The following CACNA1C variants were observed in gnomAD, a reference collection of about 807,000 sequenced individuals.
CACNA1C encodes the protein voltage-dependent L-type calcium channel subunit alpha-1C.
Under a neutral mutation model 229.0 loss-of-function variants are expected in CACNA1C, and 30 were observed. The ratio of observed to expected loss-of-function variants is 0.13; its 90% CI spans 0.10 to 0.18. The LOEUF is 0.18. Ranked by LOEUF, CACNA1C falls within the 10% of genes least tolerant of loss-of-function variation. The probability of loss-of-function intolerance (pLI) is 1.00; values close to 1 mark genes in which losing one functional copy is unlikely to be tolerated. For missense variants in CACNA1C, 1,658 were observed against 2,845.0 expected (o/e 0.58, Z 9.49); for synonymous variants, 1,114 against 1,132.5 (o/e 0.98, Z 0.33).
intron 3 of CACNA1C, among the ~76,000 whole-genome samples, chr12:2,210,528 T>TG (rs1230275952): frequency 6.6e-6 from 1 of 152,050 alleles, no homozygotes; most frequent in Non-Finnish European, 1.5e-5. Flanking sequence ...GGGAAATTGG[T>TG]GGGGGGTTTG....
chr12:2,394,960 A>T (rs2154549519), intron 3 of CACNA1C, among the ~76,000 whole-genome samples: 1 of 152,272 alleles, frequency 6.6e-6, no homozygotes, highest in Admixed American at 6.5e-5. Flanking sequence ...GTTTTTGTTT[A>T]TTTCACTTAG....
chr12:2,482,816 C>T lies in CACNA1C; in HGVS notation c.758-3288C>T, dbSNP rs1030711409. ...CTTTCCCGGACACTTCGCAGTTGGT[C>T]GTAGTTCCATCCTGTGGTCAGACAG... On this transcript the variant is annotated intron_variant, in intron 5 of 46. Transcript: ENST00000399655. Among the ~76,000 whole-genome samples the T allele has an allele frequency of 7.9e-5, 12 of 152,256 alleles. 1 individual carries two copies. Among genetic ancestry groups the T allele is most frequent in the Admixed American group, 5.2e-4 (8 of 15,294 alleles).
At position 2,654,613 on chromosome 12, in the gene CACNA1C, A is replaced by C. The variant is rs2095312110; in HGVS notation, c.4141-534A>C. On this transcript the variant is annotated intron_variant, in intron 33 of 46. Transcript: ENST00000399655. This position sits in a 1 kb window ranked among gnomAD's most constrained non-coding sequence, Gnocchi z 4.4. ...GAAAGACCCAAGATTCAGTTGCCAA[A>C]ACCTTTTGAGACTAAAAGAGCTACC... Among the ~76,000 whole-genome samples, 1 of 152,184 alleles carries C rather than the reference A, an allele frequency of 6.6e-6. No individual in the cohort carries two copies. Among genetic ancestry groups the C allele is most frequent in the South Asian group, 2.1e-4 (1 of 4,824 alleles).
intron 7 of CACNA1C, among the ~76,000 whole-genome samples, chr12:2,502,139 G>C (rs12367192): frequency 6.6e-6 from 1 of 152,208 alleles, no homozygotes; most frequent in South Asian, 2.1e-4. Context: ...GGGACCCTGC[G>C]TGCTTCCTTC....
rs75384437 is a variant in CACNA1C at position 2,118,179 on chromosome 12, C to A, written c.372-2146C>A. Among the ~76,000 whole-genome samples, 145 of 152,276 alleles carry A rather than the reference C, an allele frequency of 9.5e-4. 1 individual carries two copies. In the East Asian group the frequency reaches 0.027, roughly 29 times the overall value. ...GAGAGTCTGAATGAGGGGAGGGGAA[C>A]TGATAGTGCCAGAAACCCCAAGCTC... On this transcript the variant is annotated intron_variant, in intron 2 of 46. Transcript: ENST00000399655.
chr12:2,373,600 C>T (rs546206200), intron 3 of CACNA1C, among the ~76,000 whole-genome samples: 2 of 151,922 alleles, frequency 1.3e-5, no homozygotes, highest in Admixed American at 6.6e-5. Flanking sequence ...ATTCAGGGGC[C>T]GCAGCTGTAG....
chr12:1,991,448 G>A, intron 1 of CACNA1C: 1 of 213,556 alleles, frequency 4.7e-6, no homozygotes, highest in Non-Finnish European at 9.7e-6. Flanking sequence ...AAAATACAAA[G>A]AAGCAAGTGA....
chr12:2,424,597 G>C (rs542662796), intron 3 of CACNA1C, among the ~76,000 whole-genome samples: 1 of 152,284 alleles, frequency 6.6e-6, no homozygotes, highest in Admixed American at 6.5e-5. Context: ...ATGTGGGTAG[G>C]GGGTGAGTGC....
rs1056665940 is a variant in CACNA1C at position 2,215,811 on chromosome 12, G to C, written c.477+95381G>C. 1.3e-5 allele frequency among the ~76,000 whole-genome samples: 2 copies of C among 152,202 alleles called. No individual in the cohort carries two copies. Among genetic ancestry groups the C allele is most frequent in the Non-Finnish European group, 2.9e-5 (2 of 68,032 alleles). On this transcript the variant is annotated intron_variant, in intron 3 of 46. Transcript: ENST00000399655. This position sits in a 1 kb window ranked among gnomAD's most constrained non-coding sequence, Gnocchi z 5.0. ...CCAAGGTGAGTTGAAGGGCCCTGGA[G>C]CCCCAGGCCTGCCTGCCTGGGGAGC...
rs776381338 is a variant in CACNA1C, at chr12:2,608,299, T to A, written c.3357-212T>A. On this transcript the variant is annotated intron_variant, in intron 26 of 46. Coordinates refer to ENST00000399655, the MANE Select transcript of CACNA1C (RefSeq NM_000719.7). This position sits in a 1 kb window ranked among gnomAD's most constrained non-coding sequence, Gnocchi z 4.2. ...GCAAGGTAGGAAAGTCAGGAATTAT[T>A]GTCTCCAATTTACAGATGAAGAATC... Among the ~76,000 whole-genome samples, 2 of 152,228 alleles carry A rather than the reference T, an allele frequency of 1.3e-5. No individual in the cohort carries two copies. Among genetic ancestry groups the A allele is most frequent in the Non-Finnish European group, 2.9e-5 (2 of 68,048 alleles).
intron 3 of CACNA1C, among the ~76,000 whole-genome samples, chr12:2,194,255 C>G (rs1238788073): frequency 1.5e-5 from 1 of 65,278 alleles, no homozygotes; most frequent in Non-Finnish European, 3.8e-5. Context: ...CCACTGCCTC[C>G]TCCTCCTCCT....
chr12:2,604,213 A>G (rs769334213), intron 22 of CACNA1C, among the ~76,000 whole-genome samples: 2 of 152,198 alleles, frequency 1.3e-5, no homozygotes, highest in African/African-American at 2.4e-5. Flanking sequence ...TCTGTGACCC[A>G]TCTTGGGGAA....
At chr12:2,327,076 A>G (rs1440523780) in intron 3 of CACNA1C, among the ~76,000 whole-genome samples, 1 of 142,932 alleles carries the variant, frequency 7.0e-6, no homozygotes, top group East Asian at 2.0e-4. Context: ...GTAGGAGATG[A>G]TCAGCTAGTG....
intron 9 of CACNA1C, among the ~76,000 whole-genome samples, chr12:2,524,976 G>C (rs2099816183): frequency 6.6e-6 from 1 of 152,194 alleles, no homozygotes; most frequent in African/African-American, 2.4e-5. Context: ...GGCTACATTT[G>C]CAAAGTTGTA....
intron 10 of CACNA1C, among the ~76,000 whole-genome samples, chr12:2,555,876 G>T (rs1328289723): frequency 2.6e-5 from 4 of 152,088 alleles, no homozygotes; most frequent in Admixed American, 2.6e-4. Flanking sequence ...TGTGTGCCGC[G>T]CTGGGACGTC....
chr12:1,997,226 G>T (rs79862093), intron 1 of CACNA1C, among the ~76,000 whole-genome samples: 2,576 of 152,280 alleles, frequency 0.017, 34 homozygotes, highest in Non-Finnish European at 0.028. Flanking sequence ...AAGAGTCAGG[G>T]GTGGGAGAAA....
chr12:1,971,224 A>G lies in CACNA1C; in HGVS notation c.139+23A>G. 2 of 1,251,754 alleles carry G rather than the reference A, an allele frequency of 1.6e-6. No homozygotes were observed. The highest frequency in any genetic ancestry group is 2.1e-6 in the Non-Finnish European group (2 of 955,530). 77.5% of individuals were successfully genotyped at this position (1,251,754 alleles called of 1,614,324 possible). On this transcript the variant is annotated intron_variant, in intron 1 of 46. Coordinates refer to the CACNA1C transcript ENST00000682462. The surrounding 1 kb of genome is among the most constrained non-coding windows in gnomAD (Gnocchi z 4.2). ...GAGGTAAGAAACCCTAAAGTGAAATAAAGAGTAGGAAGAACATGTTGAAAT... is the reference window on the plus strand; with the variant it reads ...GAGGTAAGAAACCCTAAAGTGAAATGAAGAGTAGGAAGAACATGTTGAAAT...
At chr12:1,984,733 C>G (rs917257354) in intron 1 of CACNA1C, among the ~76,000 whole-genome samples, 20 of 144,270 alleles carry the variant, frequency 1.4e-4, no homozygotes, top group Non-Finnish European at 3.0e-4. Flanking sequence ...TTCCTTCCAG[C>G]CTGAAGAATT....
At chr12:1,991,137 T>C (rs2039305243) in intron 1 of CACNA1C, 1 of 456,264 alleles carries the variant, frequency 2.2e-6, no homozygotes, top group Non-Finnish European at 4.4e-6. Context: ...TTTGCATCCA[T>C]GTTTAATAGT....
Sources: allele counts gnomAD v4.1 joint callset (sites outside exome capture counted in the v4.1 genomes callset), GRCh38; gene constraint gnomAD v4.1.1; non-coding constraint Gnocchi (gnomAD v3.1); transcripts MANE v1.5; gene names NCBI Gene and HGNC (gene_info 2026-07-23, HGNC 2026-07-21).